EPRS1: variants seen among roughly 807,000 people sequenced by gnomAD.
EPRS1 encodes the protein bifunctional glutamate/proline--tRNA ligase.
Under a neutral mutation model 188.3 loss-of-function variants are expected in EPRS1, and 107 were observed. That is an observed-to-expected ratio of 0.57 (90% CI 0.49 to 0.67). The LOEUF (loss-of-function observed/expected upper bound fraction) is 0.67. Among genes scored for constraint, EPRS1 ranks in the 30% least tolerant of loss-of-function variants. EPRS1 has a pLI of 0.00. For synonymous variants in EPRS1, 596 were observed against 593.1 expected, an observed-to-expected ratio of 1.00 and a Z score of -0.07; for missense variants, 1,577 against 1,802.2, an observed-to-expected ratio of 0.88 and a Z score of 2.26.
intron 6 of EPRS1, among the ~76,000 whole-genome samples, chr1:220,027,094 A>G (rs1173961909): frequency 6.6e-6 from 1 of 151,624 alleles, no homozygotes; most frequent in Non-Finnish European, 1.5e-5. Flanking sequence ...GTTCAACACC[A>G]GCCTGGCCAA....
At chr1:219,995,517 C>G (rs1408134994) in intron 18 of EPRS1, among the ~76,000 whole-genome samples, 1 of 152,230 alleles carries the variant, frequency 6.6e-6, no homozygotes, top group Non-Finnish European at 1.5e-5. Flanking sequence ...TAAGAAACAT[C>G]TGGAATTTAT....
intron 8 of EPRS1, among the ~76,000 whole-genome samples, 197 bp from the exon 9 acceptor site, chr1:220,022,715 A>C (rs1661900887): frequency 6.6e-6 from 1 of 152,248 alleles, no homozygotes; most frequent in Admixed American, 6.5e-5. Flanking sequence ...TTCACAATAC[A>C]TTTAGCAAAT....
chr1:220,018,170 CAG>C, intron 12 of EPRS1: 1 of 1,394,000 alleles, frequency 7.2e-7, no homozygotes, highest in Non-Finnish European at 9.5e-7. Flanking sequence ...AAATGAAATG[CAG>C]AGTGTTCATA....
intron 6 of EPRS1, among the ~76,000 whole-genome samples, chr1:220,028,150 T>C (rs1029094296): frequency 2.6e-5 from 4 of 152,098 alleles, no homozygotes; most frequent in Non-Finnish European, 4.4e-5. Flanking sequence ...GGCCATAAGT[T>C]CCCAGGAAGA....
chr1:219,972,015 A>C, intron 30 of EPRS1, 54 bp downstream of exon 30: 3 of 1,147,574 alleles, frequency 2.6e-6, no homozygotes, highest in Non-Finnish European at 3.8e-6. Context: ...ATGAGCCTTA[A>C]AATACAATTT....
At position 220,018,440 on chromosome 1, in the gene EPRS1, C is replaced by T. The variant is rs1422557315; in HGVS notation, c.1494+9G>A. Reference sequence around the variant, plus strand: ...ATGAGAAAAGAAGGCAGAGAGTTAACATACATACCTTTTTGTTAAACGCCC... The same window carrying T: ...ATGAGAAAAGAAGGCAGAGAGTTAATATACATACCTTTTTGTTAAACGCCC... On this transcript the variant is annotated intron_variant, in intron 12 of 31. Transcript: ENST00000366923. 6.3e-7 allele frequency: 1 copy of T among 1,599,682 alleles called. No individual in the cohort carries two copies. Among genetic ancestry groups the T allele is most frequent in the Admixed American group, 1.7e-5 (1 of 59,978 alleles).
intron 5 of EPRS1, 98 bp downstream of exon 5, chr1:220,032,289 T>G: frequency 1.7e-5 from 15 of 860,516 alleles, no homozygotes; most frequent in East Asian, 3.1e-5. Context: ...GGTTTCACCG[T>G]GTTATTCAGG....
intron 2 of EPRS1, among the ~76,000 whole-genome samples, chr1:220,036,664 C>A (rs1473468332): frequency 6.6e-6 from 1 of 152,074 alleles, no homozygotes; most frequent in Non-Finnish European, 1.5e-5. Flanking sequence ...AAGGGAACAA[C>A]AGACACTGGG....
intron 23 of EPRS1, 42 bp downstream of exon 23, chr1:219,982,730 C>A (rs747228790): frequency 6.6e-7 from 1 of 1,507,144 alleles, no homozygotes; most frequent in East Asian, 2.3e-5. Context: ...CTGTCTCTAA[C>A]GTTCAGTGAG....
intron 23 of EPRS1, among the ~76,000 whole-genome samples, chr1:219,981,951 T>G (rs928890238): frequency 6.6e-6 from 1 of 152,212 alleles, no homozygotes; most frequent in Non-Finnish European, 1.5e-5. Context: ...TTATATCTGA[T>G]GCATCTACTC....
chr1:219,988,552 T>C (rs1481777217), intron 19 of EPRS1, 38 bp downstream of exon 19: 1 of 1,433,454 alleles, frequency 7.0e-7, no homozygotes, highest in Admixed American at 1.7e-5. Flanking sequence ...CCCTGAAACA[T>C]AAAAAACAAA....
In EPRS1 at chr1:220,027,220, C is replaced by A. The variant is rs528594937; in HGVS notation, c.624-1962G>T. On this transcript the variant is annotated intron_variant, in intron 6 of 31. Coordinates refer to ENST00000366923, the MANE Select transcript of EPRS1 (RefSeq NM_004446.3). ...CAGGTGGATCACGAGGTCAGGAGAT[C>A]AAGACCATCCTGGCTAACACAGTGA... Among the ~76,000 whole-genome samples the A allele has an allele frequency of 3.3e-5, 5 of 152,024 alleles. No individual in the cohort carries two copies. In the East Asian group the frequency reaches 9.8e-4, roughly 30 times the overall value.
At position 219,968,967 on chromosome 1, in the gene EPRS1, T is replaced by A; in HGVS notation, c.4389-11A>T. Reference sequence around the variant, plus strand: ...TCAAGATCTTGATCCCTGAAATTAATAACAAATAAGAATTCCACTCATTTA... The same window carrying A: ...TCAAGATCTTGATCCCTGAAATTAAAAACAAATAAGAATTCCACTCATTTA... On this transcript the variant is annotated splice_polypyrimidine_tract_variant and intron_variant, in intron 31 of 31. Transcript: ENST00000366923. The A allele has an allele frequency of 1.9e-6, 3 of 1,613,928 alleles. No homozygotes were observed. Among genetic ancestry groups the A allele is most frequent in the Non-Finnish European group, 2.5e-6 (3 of 1,179,818 alleles).
At chr1:219,984,622 T>C (rs1010196164) in intron 20 of EPRS1, among the ~76,000 whole-genome samples, 6 of 152,174 alleles carry the variant, frequency 3.9e-5, no homozygotes, top group Non-Finnish European at 5.9e-5. Flanking sequence ...AGGGTCTCGC[T>C]ATGTTGCCCA....
chr1:219,990,035 T>C (rs1661088778), intron 18 of EPRS1, among the ~76,000 whole-genome samples: 3 of 151,900 alleles, frequency 2.0e-5, no homozygotes, highest in Admixed American at 6.6e-5. Context: ...AAAATGACTA[T>C]TTGATGACTA....
intron 30 of EPRS1, among the ~76,000 whole-genome samples, chr1:219,971,197 G>A (rs936868533): frequency 9.2e-5 from 14 of 152,092 alleles, no homozygotes; most frequent in African/African-American, 3.4e-4. Flanking sequence ...TGAGGACACA[G>A]GATTGGTTGT....
intron 2 of EPRS1, among the ~76,000 whole-genome samples, chr1:220,038,440 G>C (rs1662230234): frequency 8.1e-6 from 1 of 123,864 alleles, no homozygotes; most frequent in Non-Finnish European, 1.6e-5. Flanking sequence ...ATCCATGCTG[G>C]AGTGCAGTGG....
At chr1:220,001,658 A>C (rs973283560) in intron 16 of EPRS1, among the ~76,000 whole-genome samples, 1 of 152,224 alleles carries the variant, frequency 6.6e-6, no homozygotes, top group Non-Finnish European at 1.5e-5. Flanking sequence ...TTTGAAGTAT[A>C]AAATAGTCCA....
chr1:220,043,947 G>A (rs1175720215), intron 1 of EPRS1, among the ~76,000 whole-genome samples: 1 of 152,174 alleles, frequency 6.6e-6, no homozygotes, highest in Non-Finnish European at 1.5e-5. Flanking sequence ...GATGGGGTCT[G>A]TGCATTAGAT....
Sources: gnomAD v4.1 joint callset for allele counts (sites outside exome capture counted in the v4.1 genomes callset) on GRCh38, gnomAD v4.1.1 for gene constraint, MANE v1.5 for transcripts, NCBI Gene and HGNC (gene_info 2026-07-23, HGNC 2026-07-21) for gene names.